Variants in MGAT4C observed in about 807,000 individuals in gnomAD.
The protein encoded by MGAT4C is MGAT4 family member C, also known as alpha-1,3-mannosyl-glycoprotein 4-beta-N-acetylglucosaminyltransferase C.
MGAT4C carries 19 observed loss-of-function variants against 40.1 expected under a neutral mutation model. The observed-to-expected ratio is 0.47, with a 90% CI of 0.33 to 0.70. MGAT4C has a LOEUF of 0.70. MGAT4C is among the 30% of genes least tolerant of loss of function. The pLI, the probability that MGAT4C is intolerant of heterozygous loss-of-function variation, is 0.02. For missense variants in MGAT4C, 491 were observed against 563.2 expected (o/e 0.87, Z 1.30); for synonymous variants, 181 against 187.1 (o/e 0.97, Z 0.27).
At chr12:86,280,964 G>A (rs1430778691) in intron 4 of MGAT4C, among the ~76,000 whole-genome samples, 1 of 151,896 alleles carries the variant, frequency 6.6e-6, no homozygotes, top group Non-Finnish European at 1.5e-5. Flanking sequence ...TTTAATTAGA[G>A]TGCTTAATCC....
At chr12:86,400,327 T>C (rs537213144) in intron 3 of MGAT4C, among the ~76,000 whole-genome samples, 6 of 152,220 alleles carry the variant, frequency 3.9e-5, no homozygotes, top group Non-Finnish European at 8.8e-5. Flanking sequence ...TTTTATTTCT[T>C]AGTATTAGGA....
At chr12:86,073,671 C>T (rs1393020390) in intron 1 of MGAT4C, among the ~76,000 whole-genome samples, 1 of 152,020 alleles carries the variant, frequency 6.6e-6, no homozygotes, top group Non-Finnish European at 1.5e-5. Flanking sequence ...CTTGCATGGG[C>T]CCTGTAAAGT....
chr12:86,549,655 G>C (rs1959249801), intron 2 of MGAT4C, among the ~76,000 whole-genome samples: 1 of 152,176 alleles, frequency 6.6e-6, no homozygotes, highest in Admixed American at 6.5e-5. Flanking sequence ...GTGGGTAGCT[G>C]AGTAACGTCA....
rs541499613 is a variant in MGAT4C, at chr12:86,794,743, A to G, written c.-262+43923T>C. On this transcript the variant is annotated intron_variant, in intron 1 of 7. Transcript: ENST00000548651. Reference sequence around the variant, plus strand: ...ATAATGTGATTTGTTCAGAAGTTAAAGCAAAATTAATTAACTGAGTACAAA... The same window carrying G: ...ATAATGTGATTTGTTCAGAAGTTAAGGCAAAATTAATTAACTGAGTACAAA... Among the ~76,000 whole-genome samples, 7 of 152,032 alleles carry G rather than the reference A, an allele frequency of 4.6e-5. No individual in the cohort carries two copies. In the South Asian group the frequency reaches 1.4e-3, roughly 31 times the overall value.
chr12:86,642,143 A>C (rs952065079), intron 2 of MGAT4C, among the ~76,000 whole-genome samples: 3 of 151,842 alleles, frequency 2.0e-5, no homozygotes, highest in African/African-American at 7.2e-5. Context: ...GGAGATAAGA[A>C]GGAATTAATG....
At chr12:86,309,814 C>T (rs1156286189) in intron 4 of MGAT4C, among the ~76,000 whole-genome samples, 1 of 152,152 alleles carries the variant, frequency 6.6e-6, no homozygotes, top group Non-Finnish European at 1.5e-5. Flanking sequence ...CTGATGACCT[C>T]CTTATTCATG....
At chr12:86,394,410 T>C (rs1245380653) in intron 3 of MGAT4C, among the ~76,000 whole-genome samples, 1 of 150,398 alleles carries the variant, frequency 6.6e-6, no homozygotes, top group Non-Finnish European at 1.5e-5. Flanking sequence ...TTGATATTAG[T>C]CCACTGAATA....
At chr12:86,650,876 A>G (rs1000092717) in intron 2 of MGAT4C, among the ~76,000 whole-genome samples, 3 of 151,914 alleles carry the variant, frequency 2.0e-5, no homozygotes, top group Admixed American at 1.3e-4. Flanking sequence ...TGGTGATTGA[A>G]ATGTACAGTC....
At chr12:86,515,558 A>G (rs898677533) in intron 2 of MGAT4C, among the ~76,000 whole-genome samples, 1 of 152,100 alleles carries the variant, frequency 6.6e-6, no homozygotes, top group East Asian at 1.9e-4. Flanking sequence ...AAAACAATCA[A>G]TGTAAATAGA....
intron 2 of MGAT4C, among the ~76,000 whole-genome samples, chr12:86,518,863 T>C (rs1481248778): frequency 6.6e-6 from 1 of 150,990 alleles, no homozygotes; most frequent in Non-Finnish European, 1.5e-5. Flanking sequence ...GCAGTAAAAA[T>C]TAAAAAAAAA....
chr12:86,589,796 AC>A (rs1961245311), intron 2 of MGAT4C, among the ~76,000 whole-genome samples: 1 of 152,066 alleles, frequency 6.6e-6, no homozygotes, highest in African/African-American at 2.4e-5. Context: ...AGAACCCAAG[AC>A]AAAAACCACA....
At chr12:86,074,989 C>T (rs1869399472) in intron 1 of MGAT4C, among the ~76,000 whole-genome samples, 1 of 152,080 alleles carries the variant, frequency 6.6e-6, no homozygotes. Context: ...CCTGGCCCCT[C>T]CCAAATCTCA....
At chr12:86,715,397 G>T (rs1192699369) in intron 2 of MGAT4C, among the ~76,000 whole-genome samples, 1 of 152,096 alleles carries the variant, frequency 6.6e-6, no homozygotes, top group South Asian at 2.1e-4. Flanking sequence ...GGAAGATTCT[G>T]GCTGTTGGTT....
chr12:86,014,945 C>A (rs1214501922), intron 2 of MGAT4C, among the ~76,000 whole-genome samples: 5 of 150,020 alleles, frequency 3.3e-5, no homozygotes, highest in Admixed American at 6.6e-5. Context: ...CCATACCCGG[C>A]TAATTTTTCT....
intron 4 of MGAT4C, among the ~76,000 whole-genome samples, chr12:86,264,704 C>T (rs925984838): frequency 1.3e-5 from 2 of 151,720 alleles, no homozygotes; most frequent in Admixed American, 1.3e-4. Flanking sequence ...GCTACGGACC[C>T]AAGCATCTCT....
chr12:86,439,241 A>G (rs1162400610), intron 2 of MGAT4C, among the ~76,000 whole-genome samples: 2 of 152,072 alleles, frequency 1.3e-5, no homozygotes, highest in African/African-American at 4.8e-5. Flanking sequence ...AGCAATTCTC[A>G]ATAAATTTTA....
At chr12:86,251,585 A>C (rs1212764438) in intron 1 of MGAT4C, among the ~76,000 whole-genome samples, 4 of 152,056 alleles carry the variant, frequency 2.6e-5, no homozygotes, top group Admixed American at 2.0e-4. Context: ...CTGGAACTTA[A>C]CTTTACACCT....
intron 3 of MGAT4C, among the ~76,000 whole-genome samples, chr12:86,365,811 A>C (rs1322653532): frequency 6.6e-6 from 1 of 151,406 alleles, no homozygotes; most frequent in African/African-American, 2.4e-5. Flanking sequence ...GGTTACTGTC[A>C]CTGGTAATGT....
At chr12:86,260,622 G>A (rs1340491077), upstream of MGAT4C, among the ~76,000 whole-genome samples, 2 of 152,020 alleles carry the variant, frequency 1.3e-5, no homozygotes, top group Admixed American at 6.6e-5. Context: ...CTCTAGAATA[G>A]CTCCACTATT....
Sources: gnomAD v4.1 joint callset for allele counts (sites outside exome capture counted in the v4.1 genomes callset) on GRCh38, gnomAD v4.1.1 for gene constraint, MANE v1.5 for transcripts, NCBI Gene and HGNC (gene_info 2026-07-23, HGNC 2026-07-21) for gene names.